The following DOK4 variants were observed in gnomAD, a reference collection of about 807,000 sequenced individuals.
DOK4 encodes the protein downstream of tyrosine kinase 4.
In DOK4, 26 loss-of-function variants were observed where a neutral mutation model predicts 40.1. The observed-to-expected ratio is 0.65, with a 90% CI of 0.48 to 0.90. The LOEUF (loss-of-function observed/expected upper bound fraction) is 0.90. DOK4 is among the 40% of genes least tolerant of loss of function. The probability of loss-of-function intolerance (pLI) is 0.00; values close to 1 mark genes in which losing one functional copy is unlikely to be tolerated. For missense variants in DOK4, 392 were observed against 437.2 expected (o/e 0.90, Z 0.92); for synonymous variants, 179 against 177.0 (o/e 1.01, Z -0.09).
chr16:57,485,829 C>A lies in DOK4; in HGVS notation c.-182+476G>T, dbSNP rs1316206541. Among the ~76,000 whole-genome samples the A allele has an allele frequency of 6.6e-6, 1 of 152,128 alleles. No individual in the cohort carries two copies. Among genetic ancestry groups the A allele is most frequent in the Non-Finnish European group, 1.5e-5 (1 of 68,026 alleles). On this transcript the variant is annotated intron_variant, in intron 1 of 8. Coordinates refer to ENST00000340099, the Ensembl canonical transcript of DOK4. This position sits in a 1 kb window ranked among gnomAD's most constrained non-coding sequence, Gnocchi z 4.3. ...ATGAGTTTGGGCTGTGGGGAGAAAC[C>A]CCATAGGCAGGAGGGGGTCGGCAGT...
chr16:57,486,588 AC>A, upstream of DOK4: 1 of 145,374 alleles, frequency 6.9e-6, no homozygotes, highest in East Asian at 2.2e-4. Context: ...GAGCCGCGGG[AC>A]GCGCGATTCT....
chr16:57,481,197 C>G (rs548338005), intron 1 of DOK4, among the ~76,000 whole-genome samples: 67 of 152,244 alleles, frequency 4.4e-4, no homozygotes, highest in African/African-American at 1.5e-3. Context: ...TAACAAGGAA[C>G]AGATGGGACT....
chr16:57,477,043 T>C (rs2031211675), intron 2 of DOK4, among the ~76,000 whole-genome samples: 1 of 152,218 alleles, frequency 6.6e-6, no homozygotes, highest in Admixed American at 6.5e-5. Context: ...CAGAGCCTGT[T>C]CCCCAGGCAT....
chr16:57,478,525 GA>G, intron 2 of DOK4: 1 of 152,400 alleles, frequency 6.6e-6, no homozygotes, highest in Non-Finnish European at 1.5e-5. Flanking sequence ...TCCTACAGGG[GA>G]AGGGGCAACT....
intron 1 of DOK4, among the ~76,000 whole-genome samples, chr16:57,481,253 C>T (rs147701389): frequency 1.1e-4 from 17 of 152,260 alleles, no homozygotes; most frequent in Non-Finnish European, 1.0e-4. Context: ...AGTGGGCACA[C>T]GCAAACAAGG....
chr16:57,483,377 TC>T (rs1234436270), intron 1 of DOK4, among the ~76,000 whole-genome samples: 2 of 152,074 alleles, frequency 1.3e-5, no homozygotes, highest in Non-Finnish European at 2.9e-5. Context: ...ACACCTGTAA[TC>T]CCAACACTTT....
At chr16:57,473,858 T>TCCCCCCCCCC in intron 7 of DOK4, 43 bp downstream of exon 7, 3 of 1,550,200 alleles carry the variant, frequency 1.9e-6, no homozygotes, top group Admixed American at 3.6e-5. Context: ...GCCCGCCCGT[T>TCCCCCCCCCC]CCCCCCTCCC....
chr16:57,475,712 C>CTCT, intron 3 of DOK4, 92 bp from the exon 4 acceptor site: 2 of 772,568 alleles, frequency 2.6e-6, no homozygotes, highest in Non-Finnish European at 4.1e-6. Context: ...CTCCCTCTCT[C>CTCT]CCCCCTCCTC....
chr16:57,473,342 C>T lies in DOK4; in HGVS notation c.*35G>A, dbSNP rs1258990255. ...CTGCAGCCAGCCCCGCAGCAGGCAG[C>T]CCCCAGCAGTCATCGGTGCTCGCCA... On this transcript the variant is annotated 3_prime_UTR_variant, in exon 9 of 9. Transcript: ENST00000340099. 6.9e-6 allele frequency: 11 copies of T among 1,590,616 alleles called. No individual in the cohort carries two copies. In the East Asian group the frequency reaches 2.2e-4, roughly 32 times the overall value.
At chr16:57,474,095 G>T (rs1456714785) in intron 6 of DOK4, 56 bp from the exon 7 acceptor site, 3 of 1,604,892 alleles carry the variant, frequency 1.9e-6, no homozygotes, top group Non-Finnish European at 2.6e-6. Flanking sequence ...ACATGCATGT[G>T]ATTAGTTAGG....
chr16:57,484,383 C>A (rs1055305035), intron 1 of DOK4: 3 of 152,530 alleles, frequency 2.0e-5, no homozygotes, highest in African/African-American at 4.8e-5. Flanking sequence ...TCTGCCCCCA[C>A]CCCACCCCAA....
At chr16:57,475,248 C>A in intron 4 of DOK4, 29 bp from the exon 5 acceptor site, 1 of 1,603,848 alleles carries the variant, frequency 6.2e-7, no homozygotes, top group Non-Finnish European at 8.5e-7. Flanking sequence ...CATCATGCAG[C>A]TCCAGAGCCC....
intron 2 of DOK4, among the ~76,000 whole-genome samples, chr16:57,478,888 A>G (rs2031301228): frequency 1.3e-5 from 2 of 152,162 alleles, no homozygotes; most frequent in African/African-American, 4.8e-5. Flanking sequence ...CGCCCAGCCA[A>G]CCACTCCCCT....
intron 1 of DOK4, chr16:57,481,804 G>A (rs1486150711): frequency 2.6e-5 from 4 of 152,236 alleles, no homozygotes; most frequent in Non-Finnish European, 5.9e-5. Context: ...CTTTAAATGA[G>A]GAAATGAATT....
intron 2 of DOK4, 98 bp from the exon 3 acceptor site, chr16:57,476,055 C>T (rs2031170191): frequency 7.8e-6 from 8 of 1,019,808 alleles, no homozygotes; most frequent in African/African-American, 1.6e-5. Context: ...GGGGCGGTGC[C>T]GCACAGCCTT....
intron 3 of DOK4, 56 bp downstream of exon 3, chr16:57,475,794 C>G: frequency 6.7e-7 from 1 of 1,494,628 alleles, no homozygotes; most frequent in Non-Finnish European, 9.2e-7. Flanking sequence ...CCCTCTCTCT[C>G]TCTCCATCCC....
At chr16:57,486,439 G>C (rs1398467564) in exon 1 of DOK4, 3 of 152,228 alleles carry the variant, frequency 2.0e-5, no homozygotes, top group Non-Finnish European at 2.9e-5. Context: ...CGGCGAGGGA[G>C]GCGCGGCCGC....
chr16:57,482,363 G>GTTTTTT lies in DOK4; in HGVS notation c.-181-2681_-181-2676dup, dbSNP rs11390639. On this transcript the variant is annotated intron_variant, in intron 1 of 8. Transcript: ENST00000340099. ...ACTTGTTTGTAGAGATGGGGCTTTT[G>GTTTTTT]TTTTTTTTTTTTTTTTTTTTTGAGA... is the stretch of plus-strand genomic sequence containing the variant. Among the ~76,000 whole-genome samples, 72 of 93,026 alleles carry GTTTTTT rather than the reference G, an allele frequency of 7.7e-4. 2 individuals carry two copies. The highest frequency in any genetic ancestry group is 9.5e-4 in the East Asian group (3 of 3,144). The allele number at this position is 93,026 out of a possible 152,430, so 61.0% of individuals were successfully genotyped here. A position where few individuals can be genotyped will look rare whatever the true frequency, so the allele number is the denominator to read the frequency against.
chr16:57,473,482 C>A, exon 9 of DOK4: 1 of 1,614,200 alleles, frequency 6.2e-7, no homozygotes, highest in Non-Finnish European at 8.5e-7. Context: ...CCTGGGCTGC[C>A]CCATACCCCT....
Sources: gnomAD v4.1 joint callset for allele counts (sites outside exome capture counted in the v4.1 genomes callset) on GRCh38, gnomAD v4.1.1 for gene constraint, Gnocchi (gnomAD v3.1) non-coding constraint, MANE v1.5 for transcripts, NCBI Gene and HGNC (gene_info 2026-07-23, HGNC 2026-07-21) for gene names.